The following CACNA1E variants were observed in gnomAD, a reference collection of about 807,000 sequenced individuals.
CACNA1E encodes the protein calcium voltage-gated channel subunit alpha1 E.
CACNA1E carries 40 observed loss-of-function variants against 259.2 expected under a neutral mutation model. The ratio of observed to expected loss-of-function variants is 0.15; its 90% confidence interval spans 0.12 to 0.20. The LOEUF (loss-of-function observed/expected upper bound fraction) is 0.20. Among genes scored for constraint, CACNA1E ranks in the 10% least tolerant of loss-of-function variants. CACNA1E has a pLI of 1.00. For synonymous variants in CACNA1E, 1,104 were observed against 1,138.5 expected (o/e 0.97, Z 0.61); for missense variants, 1,874 against 3,040.1 (o/e 0.62, Z 9.02).
chr1:181,376,199 A>T (rs1655086600), intron 1 of CACNA1E, among the ~76,000 whole-genome samples: 1 of 152,196 alleles, frequency 6.6e-6, no homozygotes, highest in South Asian at 2.1e-4. Context: ...GAGAGTGGGC[A>T]TGGGGTTTGG....
rs1572700308 is a variant in CACNA1E, at chr1:181,721,804, G to A, written c.2003G>A (p.Arg668His). 6.2e-7 allele frequency: 1 copy of A among 1,613,440 alleles called. No homozygotes were observed. The highest frequency in any genetic ancestry group is 8.5e-7 in the Non-Finnish European group (1 of 1,179,492). ...DWNEVMYNGI[R>H]SQGGVSSGMW... ...AATGAGGTGATGTACAATGGGATCC[G>A]CTCCCAGGGTGGGGTCAGCTCAGGC... is the stretch of plus-strand genomic sequence containing the variant. Residue 668 changes from arginine (R) to histidine (H), a missense_variant, in exon 16 of 48, where the codon CGC becomes CAC. Arg to His is a conservative substitution (Grantham distance 29). Around this residue, in one of 14 missense-constraint regions of CACNA1E, gnomAD observed 102 missense variants for 279.4 expected, o/e 0.37. Transcript: ENST00000367573.
At chr1:181,458,391 T>C (rs1661594021) in intron 2 of CACNA1E, among the ~76,000 whole-genome samples, 1 of 152,220 alleles carries the variant, frequency 6.6e-6, no homozygotes, top group African/African-American at 2.4e-5. Flanking sequence ...AAGTGTAATA[T>C]TTGCCTTTGT....
chr1:181,783,088 C>T (rs1455409347), intron 39 of CACNA1E, among the ~76,000 whole-genome samples: 2 of 152,174 alleles, frequency 1.3e-5, no homozygotes, highest in Non-Finnish European at 2.9e-5. Context: ...CTTGTCCATC[C>T]TGCTCCACCT....
At chr1:181,467,244 A>G (rs1364926244) in intron 2 of CACNA1E, among the ~76,000 whole-genome samples, 1 of 152,226 alleles carries the variant, frequency 6.6e-6, no homozygotes, top group Non-Finnish European at 1.5e-5. Context: ...AAAAGCTTTC[A>G]AAGGGTGTTG....
rs2102940921 is a variant in CACNA1E, at chr1:181,805,184, C to T, written c.*6350C>T. The T allele has an allele frequency of 6.6e-6, 1 of 152,298 alleles. No individual in the cohort carries two copies. Among genetic ancestry groups the T allele is most frequent in the African/African-American group, 2.4e-5 (1 of 41,556 alleles). The allele number at this position is 152,298 out of a possible 1,614,324, so 9.4% of individuals were successfully genotyped here. A position where few individuals can be genotyped will look rare whatever the true frequency, so the allele number is the denominator to read the frequency against. ...ACTTTATACCAGGCTGTGCCACTTC[C>T]TCTTCACTTCACTCAGAGGATGGCC... On this transcript the variant is annotated 3_prime_UTR_variant, in exon 48 of 48. Transcript: ENST00000367573.
intron 7 of CACNA1E, among the ~76,000 whole-genome samples, chr1:181,682,994 T>C (rs961167937): frequency 1.3e-5 from 2 of 152,228 alleles, no homozygotes; most frequent in Non-Finnish European, 2.9e-5. Flanking sequence ...ACTTGTCCTT[T>C]AACATGCAGT....
At chr1:181,750,168 C>G (rs1285675544) in intron 25 of CACNA1E, among the ~76,000 whole-genome samples, 2 of 152,286 alleles carry the variant, frequency 1.3e-5, no homozygotes, top group African/African-American at 2.4e-5. Flanking sequence ...GGAAATAACA[C>G]ACAATACCCA....
intron 7 of CACNA1E, among the ~76,000 whole-genome samples, chr1:181,686,551 T>C (rs1386263763): frequency 2.0e-5 from 3 of 152,124 alleles, no homozygotes; most frequent in Non-Finnish European, 4.4e-5. Context: ...CCTCCCAAAG[T>C]GCTGGGATTA....
rs116023460 is a variant in CACNA1E at position 181,499,191 on chromosome 1, A to T, written c.267-11286A>T. Among the ~76,000 whole-genome samples, 447 of 152,316 alleles carry T rather than the reference A, an allele frequency of 2.9e-3. 1 individual carries two copies. The highest frequency in any genetic ancestry group is 0.01 in the African/African-American group (434 of 41,558). ...AGAATAGATGGATGCTTAGGCAAGC[A>T]CTCATCTCAGAATGGTTGCTGGGCT... On this transcript the variant is annotated intron_variant, in intron 1 of 47. Transcript: ENST00000367573.
Position 181,756,855 on chromosome 1 carries a change from A to G in CACNA1E, c.4128-70A>G, listed in dbSNP as rs77951291. On this transcript the variant is annotated intron_variant, in intron 29 of 47. Transcript: ENST00000367573. ...AAGAAGTCAGATAAAAAATTATAAT[A>G]GGTGGCACATTTCCTAACGAAGCCA... is the stretch of plus-strand genomic sequence containing the variant. 3,636 of 1,025,010 alleles carry G rather than the reference A, an allele frequency of 3.5e-3. 14 individuals carry two copies. The highest frequency in any genetic ancestry group is 5.0e-3 in the Non-Finnish European group (3,301 of 656,026). 63.5% of individuals were successfully genotyped at this position (1,025,010 alleles called of 1,614,324 possible). A position where few individuals can be genotyped will look rare whatever the true frequency, so the allele number is the denominator to read the frequency against.
chr1:181,438,488 T>C (rs2102282576), intron 2 of CACNA1E, among the ~76,000 whole-genome samples: 1 of 152,328 alleles, frequency 6.6e-6, no homozygotes, highest in East Asian at 1.9e-4. Context: ...CCATTCTCAT[T>C]TTTAAAAATA....
At chr1:181,686,282 T>TTTTTTTTTGTTTG (rs1650539865) in intron 7 of CACNA1E, among the ~76,000 whole-genome samples, 2 of 124,082 alleles carry the variant, frequency 1.6e-5, no homozygotes, top group East Asian at 2.2e-4. Flanking sequence ...CAAGTTTTTT[T>TTTTTTTTTGTTTG]TTTTTTTTTT....
chr1:181,434,057 T>C (rs1261013390), intron 2 of CACNA1E, among the ~76,000 whole-genome samples: 1 of 152,214 alleles, frequency 6.6e-6, no homozygotes, highest in Admixed American at 6.5e-5. Context: ...TCCCCATCCC[T>C]GGAATCTAAG....
Position 181,802,528 on chromosome 1 carries a change from G to T in CACNA1E, c.*3694G>T, listed in dbSNP as rs1026088177. On this transcript the variant is annotated 3_prime_UTR_variant, in exon 48 of 48. Coordinates refer to ENST00000367573, the MANE Select transcript of CACNA1E (RefSeq NM_001205293.3). Reference sequence around the variant, plus strand: ...TTTGCTGCATGTTAGCGCTGATCCAGCTCCTGAGATGGTTAATTCCACCCA... The same window carrying T: ...TTTGCTGCATGTTAGCGCTGATCCATCTCCTGAGATGGTTAATTCCACCCA... 2 of 152,188 alleles carry T rather than the reference G, an allele frequency of 1.3e-5. No homozygotes were observed. Among genetic ancestry groups the T allele is most frequent in the African/African-American group, 4.8e-5 (2 of 41,432 alleles). 9.4% of individuals were successfully genotyped at this position (152,188 alleles called of 1,614,324 possible). A position where few individuals can be genotyped will look rare whatever the true frequency, so the allele number is the denominator to read the frequency against.
chr1:181,355,068 C>T (rs1553233916), intron 1 of CACNA1E, among the ~76,000 whole-genome samples: 1 of 152,200 alleles, frequency 6.6e-6, no homozygotes, highest in Non-Finnish European at 1.5e-5. Context: ...GCAAATTTCT[C>T]AATACACATA....
intron 3 of CACNA1E, among the ~76,000 whole-genome samples, chr1:181,557,018 G>A (rs1201684793): frequency 6.6e-6 from 1 of 152,194 alleles, no homozygotes; most frequent in Non-Finnish European, 1.5e-5. Flanking sequence ...AAGGGGAGCT[G>A]AGGCATGGGT....
rs369610414 is a variant in CACNA1E, at chr1:181,732,756, A to C, written c.2670A>C (p.Gly890=). 5.1e-6 allele frequency: 8 copies of C among 1,569,416 alleles called. No individual in the cohort carries two copies. The African/African-American group carries it at 9.5e-5, about 19-fold the overall frequency. Residue 890 remains glycine, a synonymous_variant, in exon 20 of 48, where the codon GGA becomes GGC. Transcript: ENST00000367573. The surrounding 1 kb of genome is among the most constrained non-coding windows in gnomAD (Gnocchi z 5.5). ...EPPWLARPCH[G]NCDPTQQEAG... ...CATGGCTGGCCAGGCCCTGTCATGG[A>C]AACTGTGACCCGACTCAGCAGGAGG...
intron 1 of CACNA1E, among the ~76,000 whole-genome samples, chr1:181,347,149 A>G (rs1652658148): frequency 6.6e-6 from 1 of 152,186 alleles, no homozygotes; most frequent in South Asian, 2.1e-4. Context: ...ATCACTTCGA[A>G]GAATGGCCAC....
intron 7 of CACNA1E, among the ~76,000 whole-genome samples, chr1:181,698,508 G>A (rs374788413): frequency 3.9e-5 from 6 of 152,246 alleles, no homozygotes; most frequent in East Asian, 3.9e-4. Flanking sequence ...CTTGCCTGTG[G>A]TCTGATTCAA....
Sources: gnomAD v4.1 joint callset for allele counts (sites outside exome capture counted in the v4.1 genomes callset) on GRCh38, gnomAD v4.1.1 for gene constraint, gnomAD v4.1.1 regional missense constraint, Gnocchi (gnomAD v3.1) non-coding constraint, MANE v1.5 for transcripts, NCBI Gene and HGNC (gene_info 2026-07-23, HGNC 2026-07-21) for gene names.